VAC14: variants seen among roughly 807,000 people sequenced by gnomAD.
The protein encoded by VAC14 is VAC14 component of PIKFYVE complex.
In VAC14, 47 loss-of-function variants were observed where a neutral mutation model predicts 85.3. The observed-to-expected ratio is 0.55, with a 90% confidence interval of 0.44 to 0.70. The LOEUF is 0.70. VAC14 is among the 30% of genes least tolerant of loss of function. The probability of loss-of-function intolerance (pLI) is 0.00; values close to 1 mark genes in which losing one functional copy is unlikely to be tolerated. For synonymous variants in VAC14, 447 were observed against 430.5 expected (o/e 1.04, Z -0.47); for missense variants, 861 against 1,004.3 (o/e 0.86, Z 1.93).
intron 17 of VAC14, 63 bp downstream of exon 17, chr16:70,695,481 C>T: frequency 6.4e-7 from 1 of 1,554,246 alleles, no homozygotes; most frequent in Non-Finnish European, 8.9e-7. Context: ...CTTGACTTCA[C>T]CCACCCCACT....
At chr16:70,705,583 C>T (rs926877837) in intron 14 of VAC14, among the ~76,000 whole-genome samples, 2 of 152,220 alleles carry the variant, frequency 1.3e-5, no homozygotes, top group South Asian at 2.1e-4. Context: ...GCTGGCCTGG[C>T]GGGGACAGAC....
Position 70,800,855 on chromosome 16 carries a change from G to C in VAC14, c.46C>G (p.Arg16Gly). The C allele has an allele frequency of 6.2e-7, 1 of 1,608,334 alleles. No individual in the cohort carries two copies. Among genetic ancestry groups the C allele is most frequent in the Non-Finnish European group, 8.5e-7 (1 of 1,177,506 alleles). The change falls in exon 1 of 19, where the codon CGC (arginine) becomes GGC (glycine). Residue 16 changes from arginine (R) to glycine (G), a missense_variant. Coordinates refer to ENST00000261776, the MANE Select transcript of VAC14 (RefSeq NM_018052.5). ...DFAPLTPNIVRALNDKLYEKR... is the reference protein window; with the variant it reads ...DFAPLTPNIVGALNDKLYEKR... The stretch of plus-strand genomic sequence containing the variant: ...TCGTACAGCTTGTCATTGAGGGCGC[G>C]CACGATGTTAGGCGTGAGCGGCGCG...
At chr16:70,716,330 T>C (rs931377701) in intron 14 of VAC14, 15 of 152,266 alleles carry the variant, frequency 9.9e-5, no homozygotes, top group African/African-American at 3.4e-4. Context: ...AATGCCCCTC[T>C]GTGTGGAGTG....
At chr16:70,785,242 C>T (rs2033993952) in intron 3 of VAC14, among the ~76,000 whole-genome samples, 1 of 152,204 alleles carries the variant, frequency 6.6e-6, no homozygotes, top group Non-Finnish European at 1.5e-5. Flanking sequence ...TGGCATTCTG[C>T]AGGGGCAGCA....
At chr16:70,779,031 T>G (rs199904376) in intron 9 of VAC14, 1 of 152,142 alleles carries the variant, frequency 6.6e-6, no homozygotes, top group African/African-American at 2.4e-5. Context: ...CAAAAAGCTT[T>G]CAGCTGCTGC....
At position 70,762,895 on chromosome 16, in the gene VAC14, T is replaced by C; in HGVS notation, c.1291A>G (p.Lys431Glu). 6.2e-7 allele frequency: 1 copy of C among 1,614,196 alleles called. No homozygotes were observed. Among genetic ancestry groups the C allele is most frequent in the African/African-American group, 1.3e-5 (1 of 75,070 alleles). ...CCAGGGCTCACCTTCCGAGGAGTTTTGATGTAGAGGTGGTAGAGCCACTTG... is the reference window on the plus strand; with the variant it reads ...CCAGGGCTCACCTTCCGAGGAGTTTCGATGTAGAGGTGGTAGAGCCACTTG... The part of the protein sequence containing the change: ...VLKWLYHLYI[K>E]TPRKMFRHTD... Residue 431 changes from lysine (K) to glutamate (E), a missense_variant, in exon 11 of 19, where the codon AAA becomes GAA. Physicochemically the swap from Lys to Glu is moderately conservative, Grantham distance 56. This residue lies in a region of VAC14 where 629 missense variants were observed against 703.1 expected (regional missense o/e 0.89). Coordinates refer to ENST00000261776, the MANE Select transcript of VAC14 (RefSeq NM_018052.5). This position sits in a 1 kb window ranked among gnomAD's most constrained non-coding sequence, Gnocchi z 4.1.
chr16:70,754,335 C>T (rs2031651224), intron 12 of VAC14, among the ~76,000 whole-genome samples: 1 of 152,168 alleles, frequency 6.6e-6, no homozygotes, highest in Non-Finnish European at 1.5e-5. Context: ...TCCCTAGCAA[C>T]GATTTGCCGC....
chr16:70,701,247 G>A (rs1287056786), intron 14 of VAC14, among the ~76,000 whole-genome samples: 1 of 152,096 alleles, frequency 6.6e-6, no homozygotes, highest in East Asian at 1.9e-4. Context: ...CATGCCCTCC[G>A]GCCCTGAGCC....
chr16:70,695,866 G>A (rs943924046), intron 16 of VAC14: 2 of 416,964 alleles, frequency 4.8e-6, no homozygotes, highest in Non-Finnish European at 8.8e-6. Flanking sequence ...CACCCTCCCG[G>A]GCTGGGAGAG....
chr16:70,690,614 TGG>T, intron 18 of VAC14: 1 of 985,410 alleles, frequency 1.0e-6, no homozygotes, highest in Non-Finnish European at 1.2e-6. Context: ...GAACCAGGGA[TGG>T]GCGAGGAGTG....
At chr16:70,692,110 AGGG>A in intron 18 of VAC14, 1 of 981,638 alleles carries the variant, frequency 1.0e-6, no homozygotes, top group Non-Finnish European at 1.2e-6. Flanking sequence ...AAAGCCTCCA[AGGG>A]TTACCAAATA....
chr16:70,703,018 C>T (rs1161234532), intron 14 of VAC14, among the ~76,000 whole-genome samples: 1 of 152,212 alleles, frequency 6.6e-6, no homozygotes, highest in Non-Finnish European at 1.5e-5. Flanking sequence ...CTAGAAGAAT[C>T]GACTTCCAGA....
chr16:70,759,790 C>T (rs1249992823), intron 12 of VAC14, among the ~76,000 whole-genome samples: 1 of 152,146 alleles, frequency 6.6e-6, no homozygotes, highest in African/African-American at 2.4e-5. Flanking sequence ...CACAAGCTCG[C>T]CTCCTGCTGC....
At chr16:70,783,256 C>T (rs1254088076) in intron 6 of VAC14, 117 bp from the exon 7 acceptor site, 3 of 1,171,278 alleles carry the variant, frequency 2.6e-6, no homozygotes, top group African/African-American at 1.5e-5. Flanking sequence ...GGCTTTTGGA[C>T]TTGTCAGGTG....
At chr16:70,794,499 G>T (rs1813114773) in intron 1 of VAC14, among the ~76,000 whole-genome samples, 1 of 152,132 alleles carries the variant, frequency 6.6e-6, no homozygotes, top group South Asian at 2.1e-4. Context: ...AAACTCAAAT[G>T]CCCACACGGG....
Position 70,730,951 on chromosome 16 carries a change from C to G in VAC14, c.1661+544G>C, listed in dbSNP as rs74778753. ...TCACCAGGTTGAGGGTGACACTGGG[C>G]CACTCTTCTGCTACTTCTTGGAGCT... On this transcript the variant is annotated intron_variant, in intron 14 of 18. Transcript: ENST00000261776. Among the ~76,000 whole-genome samples the G allele has an allele frequency of 3.3e-4, 51 of 152,304 alleles. 1 individual carries two copies. In the East Asian group the frequency reaches 9.7e-3, roughly 29 times the overall value.
chr16:70,748,447 A>G (rs999592019), intron 12 of VAC14, among the ~76,000 whole-genome samples: 4 of 152,236 alleles, frequency 2.6e-5, no homozygotes, highest in Admixed American at 6.5e-5. Flanking sequence ...GTAGTTGAGC[A>G]TGAGTTGGCC....
intron 14 of VAC14, among the ~76,000 whole-genome samples, chr16:70,705,898 A>G (rs2053911902): frequency 6.6e-6 from 1 of 152,174 alleles, no homozygotes; most frequent in Non-Finnish European, 1.5e-5. Context: ...GAGAGGCAAG[A>G]GTGTGGGTGA....
rs1008925619 is a variant in VAC14 at position 70,691,849 on chromosome 16, C to T, written c.2186+972G>A. On this transcript the variant is annotated intron_variant, in intron 18 of 18. Coordinates refer to ENST00000261776, the MANE Select transcript of VAC14 (RefSeq NM_018052.5). ...AGCGGTGTGGAGGGCACAGGGCCTC[C>T]GGGCAGGCCTGTCTCAAGGCTGCCT... is the stretch of plus-strand genomic sequence containing the variant. 2.9e-5 allele frequency: 29 copies of T among 985,402 alleles called. No homozygotes were observed. The East Asian group carries it at 3.4e-4, about 12-fold the overall frequency. 61.0% of individuals were successfully genotyped at this position (985,402 alleles called of 1,614,324 possible).
Sources: gnomAD v4.1 joint callset for allele counts (sites outside exome capture counted in the v4.1 genomes callset) on GRCh38, gnomAD v4.1.1 for gene constraint, gnomAD v4.1.1 regional missense constraint, Gnocchi (gnomAD v3.1) non-coding constraint, MANE v1.5 for transcripts, NCBI Gene and HGNC (gene_info 2026-07-23, HGNC 2026-07-21) for gene names.